Variants in SLC51A observed in about 807,000 individuals in gnomAD.
SLC51A encodes solute carrier family 51 member A.
A neutral mutation model predicts 34.8 loss-of-function variants in SLC51A; 22 were observed. The ratio of observed to expected loss-of-function variants is 0.63; its 90% CI spans 0.45 to 0.90. The LOEUF (loss-of-function observed/expected upper bound fraction) is 0.90. Among genes scored for constraint, SLC51A ranks in the 40% least tolerant of loss-of-function variants. SLC51A has a pLI of 0.00. For missense variants in SLC51A, 371 were observed against 414.8 expected (o/e 0.89, Z 0.92); for synonymous variants, 181 against 176.3 (o/e 1.03, Z -0.21).
At chr3:196,227,417 C>T in intron 3 of SLC51A, 1 of 593,276 alleles carries the variant, frequency 1.7e-6, no homozygotes, top group East Asian at 2.8e-5. Flanking sequence ...AGTGGTTCCT[C>T]AGAGTGTGGG....
intron 2 of SLC51A, among the ~76,000 whole-genome samples, chr3:196,223,389 G>A (rs147951033): frequency 1.3e-5 from 2 of 151,866 alleles, no homozygotes; most frequent in Non-Finnish European, 2.9e-5. Flanking sequence ...GAGAATAAGC[G>A]AGTAAACAGC....
intron 3 of SLC51A, chr3:196,227,456 C>G: frequency 1.7e-6 from 1 of 602,750 alleles, no homozygotes; most frequent in Non-Finnish European, 3.0e-6. Context: ...GGGTCACACT[C>G]AGCTCCACCC....
chr3:196,232,050 G>A (rs1484351318), intron 7 of SLC51A, among the ~76,000 whole-genome samples: 1 of 152,130 alleles, frequency 6.6e-6, no homozygotes, highest in Non-Finnish European at 1.5e-5. Context: ...ATTATTCTAG[G>A]AGCAGGGACC....
chr3:196,216,844 G>A lies in SLC51A; in HGVS notation c.38+94G>A. On this transcript the variant is annotated intron_variant, in intron 1 of 8. Coordinates refer to ENST00000296327, the MANE Select transcript of SLC51A (RefSeq NM_152672.6). This position sits in a 1 kb window ranked among gnomAD's most constrained non-coding sequence, Gnocchi z 4.5. ...CTCTCCCTCCCAGAGCCCTTTGGCG[G>A]CCGCACTCAGAATGAGACAGGACTG... is the stretch of plus-strand genomic sequence containing the variant. 3.9e-6 allele frequency: 5 copies of A among 1,296,498 alleles called. No homozygotes were observed. Among genetic ancestry groups the A allele is most frequent in the Non-Finnish European group, 5.3e-6 (5 of 941,464 alleles). 80.3% of individuals were successfully genotyped at this position (1,296,498 alleles called of 1,614,324 possible). A position where few individuals can be genotyped will look rare whatever the true frequency, so the allele number is the denominator to read the frequency against.
At chr3:196,218,286 G>A (rs1008735009) in intron 2 of SLC51A, among the ~76,000 whole-genome samples, 1 of 152,198 alleles carries the variant, frequency 6.6e-6, no homozygotes, top group Non-Finnish European at 1.5e-5. Flanking sequence ...AAGCCCCATC[G>A]GGTCTCCTGG....
chr3:196,223,686 C>G (rs1222010352), intron 2 of SLC51A, among the ~76,000 whole-genome samples: 6 of 148,024 alleles, frequency 4.1e-5, no homozygotes, highest in African/African-American at 7.5e-5. Flanking sequence ...TGCCTATTGT[C>G]TGAGTTTTTT....
At chr3:196,219,337 C>G (rs181632984) in intron 2 of SLC51A, among the ~76,000 whole-genome samples, 1 of 152,306 alleles carries the variant, frequency 6.6e-6, no homozygotes, top group Non-Finnish European at 1.5e-5. Flanking sequence ...CCCGAGCATG[C>G]TTAGAGAAAA....
Position 196,228,532 on chromosome 3 carries a change from T to G in SLC51A, c.521+259T>G. 1 of 608,248 alleles carries G rather than the reference T, an allele frequency of 1.6e-6. No homozygotes were observed. Among genetic ancestry groups the G allele is most frequent in the Non-Finnish European group, 2.9e-6 (1 of 347,698 alleles). 37.7% of individuals were successfully genotyped at this position (608,248 alleles called of 1,614,324 possible). A position where few individuals can be genotyped will look rare whatever the true frequency, so the allele number is the denominator to read the frequency against. On this transcript the variant is annotated intron_variant, in intron 5 of 8. Transcript: ENST00000296327. This position sits in a 1 kb window ranked among gnomAD's most constrained non-coding sequence, Gnocchi z 4.9. ...CAGAGAAAACTGGACTTGGGGCCAT[T>G]CGCTTGCCCCTTCTGCCCACTTTGG...
intron 4 of SLC51A, 131 bp from the exon 5 acceptor site, chr3:196,227,984 T>C (rs1180859424): frequency 3.0e-5 from 38 of 1,253,172 alleles, no homozygotes; most frequent in Non-Finnish European, 4.0e-5. Flanking sequence ...CCGTCTCCTC[T>C]CCCTCGCCCC....
chr3:196,224,135 AG>A (rs1004248763), intron 2 of SLC51A: 4 of 203,232 alleles, frequency 2.0e-5, no homozygotes, highest in Admixed American at 5.4e-5. Context: ...CTGGGATTAC[AG>A]GCATGAGCCA....
intron 2 of SLC51A, among the ~76,000 whole-genome samples, chr3:196,220,552 T>G (rs1200456603): frequency 6.7e-6 from 1 of 148,798 alleles, no homozygotes; most frequent in Non-Finnish European, 1.5e-5. Flanking sequence ...AGCCGAGATC[T>G]CACCATTGCA....
In SLC51A at chr3:196,230,100, G is replaced by T. The variant is rs779612597; in HGVS notation, c.780+39G>T. ...GGGAGAGAAAAGATGTTTCATAACC[G>T]AGCTACAGATAGTTGGGGTTAGTAA... On this transcript the variant is annotated intron_variant, in intron 7 of 8. Transcript: ENST00000296327. 1.0e-5 allele frequency: 16 copies of T among 1,552,830 alleles called. No individual in the cohort carries two copies. In the Admixed American group the frequency reaches 1.5e-4, roughly 15 times the overall value.
chr3:196,222,612 C>G (rs980551677), intron 2 of SLC51A, among the ~76,000 whole-genome samples: 2 of 147,656 alleles, frequency 1.4e-5, no homozygotes, highest in Admixed American at 1.4e-4. Flanking sequence ...CCCAGCCTGG[C>G]GACAGAGTAA....
At chr3:196,217,127 G>A (rs1723609923) in intron 1 of SLC51A, among the ~76,000 whole-genome samples, 1 of 152,248 alleles carries the variant, frequency 6.6e-6, no homozygotes, top group South Asian at 2.1e-4. Context: ...CCCGCATGGA[G>A]AGAATCCACG....
chr3:196,232,553 G>C (rs769695858), intron 8 of SLC51A, 29 bp downstream of exon 8: 2 of 1,556,734 alleles, frequency 1.3e-6, no homozygotes, highest in Non-Finnish European at 1.8e-6. Context: ...CTGTCCCATC[G>C]TGGGATGGAT....
chr3:196,233,192 A>C lies in SLC51A; in HGVS notation c.1016A>C (p.Lys339Thr), dbSNP rs760385100. ...FSSPDLDLNL[K>T]A ...TCTCCAGACCTGGACTTGAACCTCA[A>C]AGCCTAAGGTGGATGGCTTGGACAA... The change falls in exon 9 of 9, where the codon AAA (lysine) becomes ACA (threonine). Residue 339 changes from lysine (K) to threonine (T), a missense_variant. Lys to Thr is a moderately conservative substitution (Grantham distance 78). Transcript: ENST00000296327. The C allele has an allele frequency of 1.2e-6, 2 of 1,614,204 alleles. No individual in the cohort carries two copies. The highest frequency in any genetic ancestry group is 3.3e-5 in the Admixed American group (2 of 60,024).
rs146316634 is a variant in SLC51A, at chr3:196,228,809, G to A, written c.522G>A (p.Arg174=). 255 of 1,613,844 alleles carry A rather than the reference G, an allele frequency of 1.6e-4. No homozygotes were observed. Among genetic ancestry groups the A allele is most frequent in the Non-Finnish European group, 2.0e-4 (238 of 1,179,876 alleles). Residue 174 remains arginine, a splice_region_variant and synonymous_variant, in exon 6 of 9, where the codon AGG becomes AGA. Transcript: ENST00000296327. The surrounding 1 kb of genome is among the most constrained non-coding windows in gnomAD (Gnocchi z 4.9). The part of the protein sequence containing the change: ...CPCCPRLLLT[R]KKLQLLMLGP... ...GTTCCTAACCCTCTTCCCCACTCAG[G>A]AAGAAGCTTCAGCTGCTGATGTTGG...
chr3:196,227,385 T>G (rs1723924332), intron 3 of SLC51A: 1 of 591,106 alleles, frequency 1.7e-6, no homozygotes, highest in Non-Finnish European at 3.0e-6. Context: ...GCTACAGTGT[T>G]GCCACTTGAA....
Position 196,233,397 on chromosome 3 carries a change from T to C in SLC51A, c.*198T>C, listed in dbSNP as rs1724074066. On this transcript the variant is annotated 3_prime_UTR_variant, in exon 9 of 9. Transcript: ENST00000296327. ...CTTGCCTGGAAGGTGTTTTAAGTTT[T>C]GTAATAAACAAGATGATGTCTGAAA... The C allele has an allele frequency of 8.4e-6, 5 of 595,902 alleles. No individual in the cohort carries two copies. The South Asian group carries it at 1.0e-4, about 13-fold the overall frequency. The allele number at this position is 595,902 out of a possible 1,614,324, so 36.9% of individuals were successfully genotyped here.
Sources: allele counts gnomAD v4.1 joint callset (sites outside exome capture counted in the v4.1 genomes callset), GRCh38; gene constraint gnomAD v4.1.1; non-coding constraint Gnocchi (gnomAD v3.1); transcripts MANE v1.5; gene names NCBI Gene and HGNC (gene_info 2026-07-23, HGNC 2026-07-21).